Variants in SLC24A3 observed in about 807,000 individuals in gnomAD.
SLC24A3 encodes solute carrier family 24 member 3, also known as sodium/potassium/calcium exchanger 3.
A neutral mutation model predicts 75.8 loss-of-function variants in SLC24A3; 28 were observed. The ratio of observed to expected loss-of-function variants is 0.37; its 90% CI spans 0.27 to 0.51. SLC24A3 has a LOEUF of 0.51. Ranked by LOEUF, SLC24A3 falls within the 20% of genes least tolerant of loss-of-function variation. The pLI is 0.94. For missense variants in SLC24A3, 663 were observed against 847.8 expected (o/e 0.78, Z 2.71); for synonymous variants, 372 against 334.1 (o/e 1.11, Z -1.24).
chr20:19,592,594 A>T (rs975033820), intron 6 of SLC24A3, among the ~76,000 whole-genome samples: 1 of 152,150 alleles, frequency 6.6e-6, no homozygotes, highest in Non-Finnish European at 1.5e-5. Context: ...CATTCCAGAA[A>T]TGTGAAGAGA....
chr20:19,617,226 G>A (rs2031747570), intron 6 of SLC24A3, among the ~76,000 whole-genome samples: 1 of 152,220 alleles, frequency 6.6e-6, no homozygotes, highest in South Asian at 2.1e-4. Flanking sequence ...GATGAAGTAT[G>A]AGAATCTAGA....
chr20:19,648,671 A>G (rs2122704946), intron 6 of SLC24A3, among the ~76,000 whole-genome samples: 1 of 152,276 alleles, frequency 6.6e-6, no homozygotes, highest in South Asian at 2.1e-4. Context: ...CAGAAAATAT[A>G]TGGTTTTATC....
chr20:19,463,399 C>T lies in SLC24A3; in HGVS notation c.272-52089C>T, dbSNP rs568800918. On this transcript the variant is annotated intron_variant, in intron 2 of 16. Coordinates refer to ENST00000328041, the MANE Select transcript of SLC24A3 (RefSeq NM_020689.4). Reference sequence around the variant, plus strand: ...CATTTCAGTCTTGGTGAAATAATGTCACAGGCTCCCAGAATCCCTCCACTG... The same window carrying T: ...CATTTCAGTCTTGGTGAAATAATGTTACAGGCTCCCAGAATCCCTCCACTG... Among the ~76,000 whole-genome samples, 7 of 152,332 alleles carry T rather than the reference C, an allele frequency of 4.6e-5. No homozygotes were observed. In the South Asian group the frequency reaches 6.2e-4, roughly 14 times the overall value.
chr20:19,223,856 G>A (rs1051418512), intron 1 of SLC24A3, among the ~76,000 whole-genome samples: 4 of 152,138 alleles, frequency 2.6e-5, no homozygotes, highest in South Asian at 2.1e-4. Context: ...TCTGATAACC[G>A]AGCTGGCTAC....
At chr20:19,322,208 T>G (rs530579427) in intron 2 of SLC24A3, among the ~76,000 whole-genome samples, 2 of 152,264 alleles carry the variant, frequency 1.3e-5, no homozygotes, top group South Asian at 4.1e-4. Flanking sequence ...CCTTGGATCA[T>G]CCTCTCCTAG....
At chr20:19,276,624 G>A (rs1308613910) in intron 1 of SLC24A3, among the ~76,000 whole-genome samples, 1 of 152,168 alleles carries the variant, frequency 6.6e-6, no homozygotes, top group African/African-American at 2.4e-5. Flanking sequence ...ATCTTATGGG[G>A]CTGACTGTGG....
intron 16 of SLC24A3, among the ~76,000 whole-genome samples, chr20:19,719,985 GA>G (rs1438693961): frequency 1.3e-5 from 2 of 152,324 alleles, no homozygotes; most frequent in African/African-American, 4.8e-5. Flanking sequence ...AGAGTTGTGG[GA>G]GCTGGGGAAT....
intron 3 of SLC24A3, among the ~76,000 whole-genome samples, chr20:19,538,404 A>G (rs150564735): frequency 4.2e-4 from 64 of 152,360 alleles, no homozygotes; most frequent in Admixed American, 2.9e-3. Context: ...ATATATTTTT[A>G]AAAACTGTTA....
intron 2 of SLC24A3, among the ~76,000 whole-genome samples, chr20:19,372,787 C>T (rs1986014170): frequency 6.6e-6 from 1 of 152,002 alleles, no homozygotes; most frequent in South Asian, 2.1e-4. Context: ...CCCGGCTTTC[C>T]CTCCCCGAGC....
chr20:19,490,011 G>C (rs560495888), intron 2 of SLC24A3, among the ~76,000 whole-genome samples: 1 of 152,290 alleles, frequency 6.6e-6, no homozygotes, highest in African/African-American at 2.4e-5. Flanking sequence ...TGGTGTATCT[G>C]GTTGGGGGGA....
chr20:19,268,251 A>G (rs1983224018), intron 1 of SLC24A3, among the ~76,000 whole-genome samples: 1 of 152,196 alleles, frequency 6.6e-6, no homozygotes, highest in African/African-American at 2.4e-5. Context: ...TATGCTGACA[A>G]GTGCACTCGG....
intron 2 of SLC24A3, among the ~76,000 whole-genome samples, chr20:19,289,635 G>A (rs1568580015): frequency 6.6e-6 from 1 of 152,278 alleles, no homozygotes; most frequent in East Asian, 1.9e-4. Context: ...CTGCACTGTG[G>A]CCTATGACAG....
At chr20:19,444,637 C>T (rs919326692) in intron 2 of SLC24A3, among the ~76,000 whole-genome samples, 3 of 152,082 alleles carry the variant, frequency 2.0e-5, no homozygotes, top group African/African-American at 2.4e-5. Flanking sequence ...CTTTATTAAC[C>T]TTTCAATGTC....
chr20:19,571,367 A>G (rs1395099663), intron 3 of SLC24A3, among the ~76,000 whole-genome samples: 1 of 152,198 alleles, frequency 6.6e-6, no homozygotes, highest in Non-Finnish European at 1.5e-5. Context: ...ACTGACAACC[A>G]AAAGAAATAA....
intron 3 of SLC24A3, among the ~76,000 whole-genome samples, chr20:19,533,995 G>A (rs1045257123): frequency 1.3e-5 from 2 of 152,220 alleles, no homozygotes; most frequent in Non-Finnish European, 2.9e-5. Context: ...CAGAAGCCCT[G>A]GGGCAGTGGT....
At chr20:19,267,965 TA>T (rs1354159131) in intron 1 of SLC24A3, among the ~76,000 whole-genome samples, 1 of 152,202 alleles carries the variant, frequency 6.6e-6, no homozygotes, top group South Asian at 2.1e-4. Flanking sequence ...TCAACAGTTT[TA>T]AAAAATTATT....
chr20:19,563,572 A>C (rs1296875023), intron 3 of SLC24A3, among the ~76,000 whole-genome samples: 1 of 152,186 alleles, frequency 6.6e-6, no homozygotes, highest in Non-Finnish European at 1.5e-5. Context: ...TATTTAAAGA[A>C]TATAGGCTTG....
intron 2 of SLC24A3, among the ~76,000 whole-genome samples, chr20:19,304,708 A>C (rs556355577): frequency 2.0e-5 from 3 of 152,344 alleles, no homozygotes; most frequent in East Asian, 1.9e-4. Flanking sequence ...AGCCAATGGT[A>C]AAACATTTTA....
chr20:19,543,192 A>T (rs1366117190), intron 3 of SLC24A3, among the ~76,000 whole-genome samples: 4 of 152,202 alleles, frequency 2.6e-5, no homozygotes, highest in African/African-American at 9.7e-5. Context: ...CATTAGATGA[A>T]ATCGCTTCTT....
Sources: allele counts gnomAD v4.1 joint callset (sites outside exome capture counted in the v4.1 genomes callset), GRCh38; gene constraint gnomAD v4.1.1; transcripts MANE v1.5; gene names NCBI Gene and HGNC (gene_info 2026-07-23, HGNC 2026-07-21).